FAM167A: variants seen among roughly 807,000 people sequenced by gnomAD.
FAM167A encodes protein FAM167A.
In FAM167A, 23 loss-of-function variants were observed where a neutral mutation model predicts 14.9. The observed-to-expected ratio is 1.55, with a 90% confidence interval of 1.11 to 2.19. The LOEUF (loss-of-function observed/expected upper bound fraction) is 2.19. FAM167A is among the 30% of genes most tolerant of loss of function. FAM167A has a pLI of 0.00. For synonymous variants in FAM167A, 174 were observed against 117.7 expected (o/e 1.48, Z -3.10); for missense variants, 401 against 281.5 (o/e 1.42, Z -3.04).
intron 2 of FAM167A, among the ~76,000 whole-genome samples, chr8:11,433,151 C>CTA (rs887105127): frequency 2.6e-5 from 4 of 151,834 alleles, no homozygotes; most frequent in African/African-American, 9.7e-5. Flanking sequence ...ATGTGTATAC[C>CTA]TATGTAACAA....
rs989648123 is a variant in FAM167A at position 11,424,381 on chromosome 8, G to A, written c.637C>T (p.Leu213Phe). 1.2e-6 allele frequency: 2 copies of A among 1,614,104 alleles called. No individual in the cohort carries two copies. The highest frequency in any genetic ancestry group is 1.1e-5 in the South Asian group (1 of 91,058). Residue 213 changes from leucine (L) to phenylalanine (F), a missense_variant, in exon 3 of 3, where the codon CTC (leucine) becomes TTC (phenylalanine). Coordinates refer to ENST00000284486, the MANE Select transcript of FAM167A (RefSeq NM_053279.3). ...CCCAGTCTGAGGGCTCCTCAGCAGA[G>A]AGAGAACCTCCGAGAGTTGATGTTC... ...KMNINSRRFSLC is the reference protein window; with the variant it reads ...KMNINSRRFSFC
rs138040988 is a variant in FAM167A at position 11,459,079 on chromosome 8, C to T, written c.-398+7547G>A. On this transcript the variant is annotated intron_variant, in intron 1 of 2. Coordinates refer to ENST00000284486, the MANE Select transcript of FAM167A (RefSeq NM_053279.3). Reference sequence around the variant, plus strand: ...CATGAATGACTACTTTTCTCTCTATCACCCATTTCTCTATTTCTCATTTAT... The same window carrying T: ...CATGAATGACTACTTTTCTCTCTATTACCCATTTCTCTATTTCTCATTTAT... Among the ~76,000 whole-genome samples the T allele has an allele frequency of 2.3e-3, 349 of 152,368 alleles. 2 individuals are homozygous for T. The Middle Eastern group carries it at 0.024, about 10-fold the overall frequency.
intron 1 of FAM167A, among the ~76,000 whole-genome samples, chr8:11,473,710 G>C (rs1463986121): frequency 6.6e-6 from 1 of 152,110 alleles, no homozygotes; most frequent in Non-Finnish European, 1.5e-5. Context: ...AGTCTCTTGA[G>C]CTTCAGTTTC....
In FAM167A at chr8:11,463,722, C is replaced by T. The variant is rs187210698; in HGVS notation, c.-398+2904G>A. On this transcript the variant is annotated intron_variant, in intron 1 of 2. Coordinates refer to ENST00000284486, the MANE Select transcript of FAM167A (RefSeq NM_053279.3). The stretch of plus-strand genomic sequence containing the variant: ...GATCAGGATGCCCTGGAGGGAACTT[C>T]CGGCCACACTGAAGAAATGGGGGCT... 1.6e-3 allele frequency among the ~76,000 whole-genome samples: 240 copies of T among 152,328 alleles called. 1 individual carries two copies. Among genetic ancestry groups the T allele is most frequent in the Non-Finnish European group, 2.6e-3 (176 of 68,024 alleles).
chr8:11,432,936 C>A (rs867137433), intron 2 of FAM167A, among the ~76,000 whole-genome samples: 1 of 152,268 alleles, frequency 6.6e-6, no homozygotes, highest in East Asian at 1.9e-4. Flanking sequence ...AAGCTGGAAA[C>A]CATCATTCTC....
chr8:11,422,217 T>A lies in FAM167A; in HGVS notation c.*2156A>T, dbSNP rs1218740347. 1 of 174,262 alleles carries A rather than the reference T, an allele frequency of 5.7e-6. No homozygotes were observed. The highest frequency in any genetic ancestry group is 1.2e-5 in the Non-Finnish European group (1 of 82,860). The allele number at this position is 174,262 out of a possible 1,614,324, so 10.8% of individuals were successfully genotyped here. A position where few individuals can be genotyped will look rare whatever the true frequency, so the allele number is the denominator to read the frequency against. On this transcript the variant is annotated 3_prime_UTR_variant, in exon 3 of 3. Coordinates refer to ENST00000284486, the MANE Select transcript of FAM167A (RefSeq NM_053279.3). ...GACTACATTCAGCTAAATCTTTCCA[T>A]TTTCGCTGAACCCAATGGTTTCGGT...
chr8:11,455,900 AGTGT>A (rs1399698156), intron 1 of FAM167A, among the ~76,000 whole-genome samples: 1 of 95,734 alleles, frequency 1.0e-5, no homozygotes, highest in Non-Finnish European at 2.0e-5. Context: ...GCAGAGTGTG[AGTGT>A]GAGTGTGAGG....
chr8:11,439,160 C>T (rs971605254), intron 2 of FAM167A, among the ~76,000 whole-genome samples: 5 of 152,238 alleles, frequency 3.3e-5, no homozygotes, highest in African/African-American at 7.2e-5. Context: ...TTTAAACTTT[C>T]TGTCCCTCAG....
chr8:11,426,777 A>C (rs1297819308), intron 2 of FAM167A, among the ~76,000 whole-genome samples: 2 of 152,156 alleles, frequency 1.3e-5, no homozygotes, highest in African/African-American at 4.8e-5. Context: ...CCGAATACAC[A>C]ATTTACATGT....
chr8:11,438,348 C>T (rs1213987733), intron 2 of FAM167A: 6 of 435,790 alleles, frequency 1.4e-5, no homozygotes, highest in South Asian at 8.3e-5. Flanking sequence ...CATCAGCTCT[C>T]ACATCAAACA....
At position 11,421,635 on chromosome 8, in the gene FAM167A, C is replaced by A; in HGVS notation, c.*2738G>T. On this transcript the variant is annotated 3_prime_UTR_variant, in exon 3 of 3. Coordinates refer to ENST00000284486, the MANE Select transcript of FAM167A (RefSeq NM_053279.3). ...ACAGGGTGTGGGTCTTGAACTCGGTCAGGCATCGTCAAGCCTGCCCAGGCC... is the reference window on the plus strand; with the variant it reads ...ACAGGGTGTGGGTCTTGAACTCGGTAAGGCATCGTCAAGCCTGCCCAGGCC... 1 of 398,624 alleles carries A rather than the reference C, an allele frequency of 2.5e-6. No individual in the cohort carries two copies. The highest frequency in any genetic ancestry group is 4.4e-6 in the Non-Finnish European group (1 of 226,040). 24.7% of individuals were successfully genotyped at this position (398,624 alleles called of 1,614,324 possible).
At chr8:11,465,895 G>A (rs1807745879) in intron 1 of FAM167A, among the ~76,000 whole-genome samples, 1 of 152,190 alleles carries the variant, frequency 6.6e-6, no homozygotes, top group Non-Finnish European at 1.5e-5. Flanking sequence ...CCTCCTTCCA[G>A]ATCTTCCCAG....
At chr8:11,431,481 A>G (rs886085231) in intron 2 of FAM167A, among the ~76,000 whole-genome samples, 1 of 152,354 alleles carries the variant, frequency 6.6e-6, no homozygotes, top group African/African-American at 2.4e-5. Flanking sequence ...CTGCACAGCA[A>G]TGTGAATATA....
At chr8:11,473,529 T>G (rs912926534) in intron 1 of FAM167A, among the ~76,000 whole-genome samples, 6 of 152,198 alleles carry the variant, frequency 3.9e-5, no homozygotes, top group African/African-American at 7.2e-5. Context: ...ACTTCTCTCC[T>G]AAAATCAACT....
At chr8:11,474,892 C>T (rs1337199882) in intron 1 of FAM167A, among the ~76,000 whole-genome samples, 4 of 150,328 alleles carry the variant, frequency 2.7e-5, no homozygotes, top group South Asian at 2.1e-4. Context: ...ACATCAACAG[C>T]GAAGGCGACA....
chr8:11,453,339 T>C (rs1393707743), intron 1 of FAM167A, among the ~76,000 whole-genome samples: 1 of 152,222 alleles, frequency 6.6e-6, no homozygotes, highest in African/African-American at 2.4e-5. Flanking sequence ...TGCCTGACTC[T>C]AAATAACATT....
At chr8:11,452,402 G>T (rs1585269045) in intron 1 of FAM167A, among the ~76,000 whole-genome samples, 1 of 152,364 alleles carries the variant, frequency 6.6e-6, no homozygotes, top group South Asian at 2.1e-4. Flanking sequence ...CAACTGAAGG[G>T]CCGAGAAGTC....
intron 1 of FAM167A, among the ~76,000 whole-genome samples, chr8:11,465,464 G>C (rs1325807872): frequency 6.6e-6 from 1 of 152,226 alleles, no homozygotes; most frequent in African/African-American, 2.4e-5. Flanking sequence ...GAGTGACCAA[G>C]GGATGCGAAG....
intron 1 of FAM167A, among the ~76,000 whole-genome samples, chr8:11,445,790 G>A (rs534368752): frequency 2.0e-5 from 3 of 151,374 alleles, no homozygotes; most frequent in Admixed American, 1.3e-4. Flanking sequence ...TTGGACCCAG[G>A]TGGTAAGCCC....
Sources: allele counts gnomAD v4.1 joint callset (sites outside exome capture counted in the v4.1 genomes callset), GRCh38; gene constraint gnomAD v4.1.1; transcripts MANE v1.5; gene names NCBI Gene and HGNC (gene_info 2026-07-23, HGNC 2026-07-21).